MYRIP: variants seen among roughly 807,000 people sequenced by gnomAD.
MYRIP encodes the protein rab effector MyRIP.
MYRIP carries 49 observed loss-of-function variants against 98.0 expected under a neutral mutation model. The observed-to-expected ratio is 0.50, with a 90% confidence interval of 0.40 to 0.63. The LOEUF is 0.63. Among genes scored for constraint, MYRIP ranks in the 30% least tolerant of loss-of-function variants. The pLI, the probability that MYRIP is intolerant of heterozygous loss-of-function variation, is 0.00. For missense variants in MYRIP, 1,004 were observed against 1,058.2 expected (o/e 0.95, Z 0.71); for synonymous variants, 404 against 409.5 (o/e 0.99, Z 0.16).
intron 2 of MYRIP, among the ~76,000 whole-genome samples, chr3:40,031,433 G>A (rs891300846): frequency 1.3e-5 from 2 of 152,112 alleles, no homozygotes; most frequent in African/African-American, 4.8e-5. Context: ...AGGGCTCTAG[G>A]TTCTGATGGC....
At chr3:40,032,357 G>A (rs1382246628) in intron 2 of MYRIP, among the ~76,000 whole-genome samples, 1 of 152,084 alleles carries the variant, frequency 6.6e-6, no homozygotes, top group Non-Finnish European at 1.5e-5. Flanking sequence ...TCTTAATCCT[G>A]AGTTCTAGTT....
intron 3 of MYRIP, among the ~76,000 whole-genome samples, chr3:40,066,363 C>G (rs902904938): frequency 6.6e-6 from 1 of 152,182 alleles, no homozygotes; most frequent in African/African-American, 2.4e-5. Context: ...AATTGCACTT[C>G]TGGGGGACAA....
At chr3:40,213,146 C>G (rs897570492) in intron 11 of MYRIP, among the ~76,000 whole-genome samples, 1 of 152,186 alleles carries the variant, frequency 6.6e-6, no homozygotes, top group Non-Finnish European at 1.5e-5. Context: ...CCTACAGTTC[C>G]TGCACTTGCT....
chr3:40,046,655 T>A (rs1412394620), intron 3 of MYRIP, among the ~76,000 whole-genome samples: 2 of 150,234 alleles, frequency 1.3e-5, no homozygotes, highest in Admixed American at 6.7e-5. Flanking sequence ...ACCCAAGGTG[T>A]GTGGAGGGTC....
At chr3:40,227,393 T>C (rs2125692715) in intron 11 of MYRIP, among the ~76,000 whole-genome samples, 1 of 152,256 alleles carries the variant, frequency 6.6e-6, no homozygotes, top group Non-Finnish European at 1.5e-5. Context: ...ATGTACTCTC[T>C]CTCTCTCTCT....
intron 3 of MYRIP, among the ~76,000 whole-genome samples, chr3:40,120,434 A>C (rs1241947730): frequency 6.6e-6 from 1 of 152,232 alleles, no homozygotes; most frequent in African/African-American, 2.4e-5. Flanking sequence ...TATGAATATG[A>C]AGATGTTATC....
At chr3:40,146,302 G>T (rs1027018979) in intron 3 of MYRIP, among the ~76,000 whole-genome samples, 13 of 152,184 alleles carry the variant, frequency 8.5e-5, no homozygotes, top group African/African-American at 2.9e-4. Context: ...GTCGGATTGA[G>T]CCTGAGACTA....
At chr3:39,958,595 A>T (rs916672185) in intron 2 of MYRIP, among the ~76,000 whole-genome samples, 9 of 152,308 alleles carry the variant, frequency 5.9e-5, no homozygotes, top group African/African-American at 1.9e-4. Flanking sequence ...AACCTAGGCA[A>T]TACCATTCAG....
intron 2 of MYRIP, among the ~76,000 whole-genome samples, chr3:39,943,863 G>T (rs754276268): frequency 6.6e-6 from 1 of 152,130 alleles, no homozygotes; most frequent in African/African-American, 2.4e-5. Flanking sequence ...TATGGACCCT[G>T]ATCGATTCAA....
chr3:40,189,167 C>A (rs1951126215), intron 9 of MYRIP, among the ~76,000 whole-genome samples: 1 of 152,214 alleles, frequency 6.6e-6, no homozygotes, highest in African/African-American at 2.4e-5. Context: ...AAGTTAGCAG[C>A]TCTGTGACCT....
intron 3 of MYRIP, among the ~76,000 whole-genome samples, chr3:40,084,179 A>G (rs1948549491): frequency 6.9e-6 from 1 of 144,912 alleles, no homozygotes; most frequent in African/African-American, 2.5e-5. Flanking sequence ...TTCTCAGAAG[A>G]AGGAAAACTA....
chr3:39,873,838 A>G (rs1167280388), intron 1 of MYRIP, among the ~76,000 whole-genome samples: 2 of 152,076 alleles, frequency 1.3e-5, no homozygotes, highest in African/African-American at 2.4e-5. Flanking sequence ...TTTTGGTTCC[A>G]TATGAACTTT....
At chr3:40,024,471 A>G (rs895367381) in intron 2 of MYRIP, among the ~76,000 whole-genome samples, 18 of 151,980 alleles carry the variant, frequency 1.2e-4, no homozygotes, top group African/African-American at 4.3e-4. Flanking sequence ...ACAGTCAGCA[A>G]CTTCAGGTAG....
At chr3:40,186,353 T>C (rs1284882428) in intron 9 of MYRIP, among the ~76,000 whole-genome samples, 1 of 152,146 alleles carries the variant, frequency 6.6e-6, no homozygotes, top group Non-Finnish European at 1.5e-5. Context: ...TGAAGACCTA[T>C]AGTTTATTTG....
chr3:39,978,051 C>T (rs1432120354), intron 2 of MYRIP, among the ~76,000 whole-genome samples: 2 of 152,106 alleles, frequency 1.3e-5, no homozygotes, highest in Non-Finnish European at 2.9e-5. Context: ...AACAGGACAC[C>T]TGATATACGA....
chr3:40,195,515 T>C (rs939741677), intron 10 of MYRIP, among the ~76,000 whole-genome samples: 1 of 152,120 alleles, frequency 6.6e-6, no homozygotes, highest in African/African-American at 2.4e-5. Flanking sequence ...AGGCTGGTCT[T>C]GAACTCCTGA....
chr3:40,186,625 C>A (rs1433707694), intron 9 of MYRIP, among the ~76,000 whole-genome samples: 1 of 152,182 alleles, frequency 6.6e-6, no homozygotes, highest in East Asian at 1.9e-4. Context: ...TTCCACTCTG[C>A]CCCTGGGGCA....
At chr3:40,211,249 C>T (rs923571141) in intron 11 of MYRIP, among the ~76,000 whole-genome samples, 5 of 152,132 alleles carry the variant, frequency 3.3e-5, no homozygotes, top group African/African-American at 9.7e-5. Flanking sequence ...GAAAAACCTC[C>T]CAGGTGTTTT....
At chr3:40,243,296 G>A (rs1953083611) in intron 12 of MYRIP, among the ~76,000 whole-genome samples, 1 of 150,940 alleles carries the variant, frequency 6.6e-6, no homozygotes, top group South Asian at 2.1e-4. Context: ...GAAATGTTTT[G>A]TAAAATTGCC....
Sources: allele counts gnomAD v4.1 joint callset (sites outside exome capture counted in the v4.1 genomes callset), GRCh38; gene constraint gnomAD v4.1.1; transcripts MANE v1.5; gene names NCBI Gene and HGNC (gene_info 2026-07-23, HGNC 2026-07-21).